NAV3: variants seen among roughly 807,000 people sequenced by gnomAD.
The protein encoded by NAV3 is neuron navigator 3.
A neutral mutation model predicts 244.7 loss-of-function variants in NAV3; 87 were observed. The ratio of observed to expected loss-of-function variants is 0.36; its 90% CI spans 0.30 to 0.42. The LOEUF (loss-of-function observed/expected upper bound fraction) is 0.42, where lower values mean the gene tolerates loss of function less well. NAV3 is among the 20% of genes least tolerant of loss of function. NAV3 has a pLI of 1.00. For synonymous variants in NAV3, 1,126 were observed against 1,042.2 expected (o/e 1.08, Z -1.55); for missense variants, 2,663 against 2,893.3 (o/e 0.92, Z 1.83).
chr12:78,017,264 A>C (rs1446639706), intron 8 of NAV3, among the ~76,000 whole-genome samples: 2 of 152,082 alleles, frequency 1.3e-5, no homozygotes, highest in South Asian at 4.1e-4. Context: ...ACTTTTAATT[A>C]CTACAACTCT....
rs533144721 is a variant in NAV3, at chr12:77,698,349, A to G, written c.72+126083A>G. On this transcript the variant is annotated intron_variant, in intron 2 of 8. Coordinates refer to the NAV3 transcript ENST00000550042. Reference sequence around the variant, plus strand: ...TTCTCCATTTATTTTTCTAGGGCTCAACTATTATTCCAATTATATCACCCA... The same window carrying G: ...TTCTCCATTTATTTTTCTAGGGCTCGACTATTATTCCAATTATATCACCCA... Among the ~76,000 whole-genome samples the G allele has an allele frequency of 4.6e-5, 7 of 152,228 alleles. No homozygotes were observed. In the East Asian group the frequency reaches 1.4e-3, roughly 29 times the overall value.
At chr12:77,989,083 C>T (rs138867337) in intron 5 of NAV3, among the ~76,000 whole-genome samples, 2 of 152,190 alleles carry the variant, frequency 1.3e-5, no homozygotes, top group East Asian at 3.9e-4. Flanking sequence ...TATTGAACCA[C>T]AAGATTTGAT....
At chr12:78,110,002 T>G (rs1306756365) in intron 12 of NAV3, among the ~76,000 whole-genome samples, 1 of 151,980 alleles carries the variant, frequency 6.6e-6, no homozygotes, top group Non-Finnish European at 1.5e-5. Context: ...GCAAGTAACA[T>G]TGTTCCTCTT....
At chr12:77,653,399 G>C (rs1445566303) in intron 2 of NAV3, among the ~76,000 whole-genome samples, 2 of 152,164 alleles carry the variant, frequency 1.3e-5, no homozygotes, top group African/African-American at 2.4e-5. Context: ...GATCATACAT[G>C]TATTTGAAAA....
chr12:77,992,632 T>G (rs978497846), intron 5 of NAV3, among the ~76,000 whole-genome samples: 3 of 152,184 alleles, frequency 2.0e-5, no homozygotes, highest in African/African-American at 7.2e-5. Context: ...GAGGTTAATT[T>G]AAGGAGTAGA....
intron 22 of NAV3, among the ~76,000 whole-genome samples, chr12:78,150,074 G>T (rs1351613238): frequency 2.6e-5 from 4 of 151,960 alleles, no homozygotes; most frequent in Non-Finnish European, 1.5e-5. Context: ...GAAAATAAGG[G>T]TATTATTTAA....
chr12:78,129,657 A>G (rs1956077309), intron 18 of NAV3, among the ~76,000 whole-genome samples: 1 of 152,162 alleles, frequency 6.6e-6, no homozygotes, highest in East Asian at 1.9e-4. Context: ...CTATAAAGTC[A>G]CATATAAAGT....
chr12:77,834,226 T>C (rs925936589), intron 1 of NAV3, among the ~76,000 whole-genome samples: 1 of 152,164 alleles, frequency 6.6e-6, no homozygotes, highest in Non-Finnish European at 1.5e-5. Context: ...CCCATCTTTC[T>C]CTACACAGCA....
intron 2 of NAV3, among the ~76,000 whole-genome samples, chr12:77,780,974 A>G (rs2135914158): frequency 6.6e-6 from 1 of 152,270 alleles, no homozygotes; most frequent in South Asian, 2.1e-4. Context: ...TGGCTTAAGT[A>G]TACTTCCTAG....
chr12:77,802,280 T>C (rs1456376353), intron 2 of NAV3, among the ~76,000 whole-genome samples: 1 of 152,216 alleles, frequency 6.6e-6, no homozygotes, highest in African/African-American at 2.4e-5. Context: ...TGTTCAGGTG[T>C]TACTGGACAG....
At chr12:78,095,698 A>G (rs1473923566) in intron 12 of NAV3, among the ~76,000 whole-genome samples, 3 of 152,208 alleles carry the variant, frequency 2.0e-5, no homozygotes, top group African/African-American at 7.2e-5. Context: ...TGGAGGAAAT[A>G]AAGATCCAGT....
chr12:77,735,999 C>A (rs1165621546), intron 2 of NAV3, among the ~76,000 whole-genome samples: 1 of 152,218 alleles, frequency 6.6e-6, no homozygotes, highest in Non-Finnish European at 1.5e-5. Flanking sequence ...ATTTATCAAA[C>A]TTGTTAACAT....
intron 6 of NAV3, among the ~76,000 whole-genome samples, chr12:77,996,960 T>C (rs1252758052): frequency 6.6e-6 from 1 of 152,092 alleles, no homozygotes; most frequent in Non-Finnish European, 1.5e-5. Context: ...TATTAGTTCT[T>C]GGCCAGACAC....
intron 1 of NAV3, among the ~76,000 whole-genome samples, chr12:77,860,111 A>G (rs11615513): frequency 0.21 from 31,760 of 151,752 alleles, 3,757 homozygotes; most frequent in East Asian, 0.29. Flanking sequence ...GCATGCTTCT[A>G]CTTTTGTAGC....
chr12:77,618,619 C>T (rs1027422415), intron 2 of NAV3, among the ~76,000 whole-genome samples: 12 of 151,960 alleles, frequency 7.9e-5, no homozygotes, highest in Middle Eastern at 3.2e-3. Flanking sequence ...GTGTTTAACA[C>T]GTATATATAT....
intron 2 of NAV3, among the ~76,000 whole-genome samples, chr12:77,684,402 G>GT (rs1458024659): frequency 6.6e-6 from 1 of 151,796 alleles, no homozygotes; most frequent in African/African-American, 2.4e-5. Context: ...TTTCTTTCTT[G>GT]TTTTTTGACA....
chr12:77,724,444 AT>A (rs1214499075), intron 2 of NAV3, among the ~76,000 whole-genome samples: 1 of 151,992 alleles, frequency 6.6e-6, no homozygotes, highest in African/African-American at 2.4e-5. Context: ...TAAAAAACAT[AT>A]TTAGGCCACT....
chr12:77,671,596 C>T (rs1470703018), intron 2 of NAV3, among the ~76,000 whole-genome samples: 2 of 151,994 alleles, frequency 1.3e-5, no homozygotes, highest in African/African-American at 4.8e-5. Flanking sequence ...GTAGCGATTC[C>T]AGAAATAAAA....
intron 2 of NAV3, among the ~76,000 whole-genome samples, chr12:77,730,352 A>G (rs1877063911): frequency 6.6e-6 from 1 of 151,946 alleles, no homozygotes; most frequent in Non-Finnish European, 1.5e-5. Context: ...ACATTTAGTG[A>G]ACAAAAAGAT....
Sources: gnomAD v4.1 joint callset for allele counts (sites outside exome capture counted in the v4.1 genomes callset) on GRCh38, gnomAD v4.1.1 for gene constraint, MANE v1.5 for transcripts, NCBI Gene and HGNC (gene_info 2026-07-23, HGNC 2026-07-21) for gene names.